Variants in PRKG1 observed in about 807,000 individuals in gnomAD.
The protein encoded by PRKG1 is cGMP-dependent protein kinase 1.
A neutral mutation model predicts 88.1 loss-of-function variants in PRKG1; 35 were observed. That is an observed-to-expected ratio of 0.40 (90% CI 0.30 to 0.53). The LOEUF (loss-of-function observed/expected upper bound fraction) is 0.53. Among genes scored for constraint, PRKG1 ranks in the 20% least tolerant of loss-of-function variants. The pLI, the probability that PRKG1 is intolerant of heterozygous loss-of-function variation, is 0.59. For missense variants in PRKG1, 540 were observed against 839.8 expected, an observed-to-expected ratio of 0.64 and a Z score of 4.41; for synonymous variants, 303 against 292.5, an observed-to-expected ratio of 1.04 and a Z score of -0.37.
At chr10:51,840,148 A>T (rs1840234283) in intron 4 of PRKG1, among the ~76,000 whole-genome samples, 1 of 152,212 alleles carries the variant, frequency 6.6e-6, no homozygotes, top group South Asian at 2.1e-4. Flanking sequence ...CTGTTGGGAA[A>T]CAGCTTGTTA....
chr10:52,148,864 C>A (rs369257310), intron 8 of PRKG1, among the ~76,000 whole-genome samples: 2 of 149,800 alleles, frequency 1.3e-5, no homozygotes, highest in African/African-American at 4.9e-5. Context: ...GAATTCCAGG[C>A]AGCAATAGGC....
At chr10:51,805,758 T>C (rs576490640) in intron 4 of PRKG1, among the ~76,000 whole-genome samples, 72 of 152,250 alleles carry the variant, frequency 4.7e-4, no homozygotes, top group Non-Finnish European at 8.1e-4. Flanking sequence ...TTTATTTTCT[T>C]ACTGCTTCAT....
At chr10:52,247,918 C>T (rs1349348573) in intron 9 of PRKG1, among the ~76,000 whole-genome samples, 7 of 152,002 alleles carry the variant, frequency 4.6e-5, no homozygotes, top group Admixed American at 2.0e-4. Context: ...CTGAGAGCCC[C>T]GAACAGAGAT....
At chr10:51,199,888 T>G (rs1837868440) in intron 2 of PRKG1, among the ~76,000 whole-genome samples, 1 of 152,208 alleles carries the variant, frequency 6.6e-6, no homozygotes, top group African/African-American at 2.4e-5. Context: ...CCCCAAATTC[T>G]GATGATAGTC....
chr10:51,170,364 A>G (rs1375685484), intron 2 of PRKG1, among the ~76,000 whole-genome samples: 2 of 151,888 alleles, frequency 1.3e-5, no homozygotes, highest in African/African-American at 2.4e-5. Context: ...CTGCAAGACA[A>G]TTGGGACCAA....
intron 3 of PRKG1, among the ~76,000 whole-genome samples, chr10:51,471,507 C>G (rs1056231146): frequency 6.6e-6 from 1 of 151,820 alleles, no homozygotes; most frequent in African/African-American, 2.4e-5. Context: ...TGTGATTTCA[C>G]TTTTACTACC....
At chr10:52,280,320 A>G (rs1841975360) in intron 12 of PRKG1, among the ~76,000 whole-genome samples, 2 of 152,182 alleles carry the variant, frequency 1.3e-5, no homozygotes, top group Admixed American at 1.3e-4. Flanking sequence ...ACTCTCATGA[A>G]CCATATCTGC....
intron 1 of PRKG1, among the ~76,000 whole-genome samples, chr10:51,048,073 G>A (rs546165945): frequency 3.1e-4 from 47 of 152,312 alleles, no homozygotes; most frequent in African/African-American, 1.1e-3. Flanking sequence ...GCCATCTGCT[G>A]TCTTTCAGAG....
At chr10:52,157,135 A>T (rs1215794535) in intron 8 of PRKG1, among the ~76,000 whole-genome samples, 6 of 150,872 alleles carry the variant, frequency 4.0e-5, no homozygotes, top group Non-Finnish European at 8.9e-5. Context: ...TAAAATGTTT[A>T]TACAAAATTC....
intron 3 of PRKG1, among the ~76,000 whole-genome samples, chr10:51,499,687 C>A (rs1171682316): frequency 6.6e-6 from 1 of 152,164 alleles, no homozygotes; most frequent in Non-Finnish European, 1.5e-5. Context: ...GGCCTGTAAT[C>A]CCAGCACTTT....
chr10:51,906,019 C>T (rs141748370), intron 4 of PRKG1, among the ~76,000 whole-genome samples: 19 of 152,140 alleles, frequency 1.2e-4, no homozygotes, highest in African/African-American at 3.6e-4. Context: ...TTAAAGAGAT[C>T]GTGATAGGAG....
chr10:51,576,380 G>A (rs1014431466), intron 3 of PRKG1, among the ~76,000 whole-genome samples: 1 of 151,692 alleles, frequency 6.6e-6, no homozygotes, highest in African/African-American at 2.4e-5. Context: ...ATGTATCATG[G>A]GCTTTCTCCT....
intron 2 of PRKG1, among the ~76,000 whole-genome samples, chr10:51,417,349 A>G (rs1838269899): frequency 6.6e-6 from 1 of 152,210 alleles, no homozygotes; most frequent in African/African-American, 2.4e-5. Flanking sequence ...GGAATCCAGT[A>G]TTCCTGCTAT....
At chr10:51,897,562 T>A (rs1170570140) in intron 4 of PRKG1, among the ~76,000 whole-genome samples, 1 of 152,220 alleles carries the variant, frequency 6.6e-6, no homozygotes, top group African/African-American at 2.4e-5. Flanking sequence ...TCAAACCCTT[T>A]ATTACTAACT....
chr10:51,743,038 A>C (rs941036231), intron 3 of PRKG1, among the ~76,000 whole-genome samples: 4 of 151,894 alleles, frequency 2.6e-5, no homozygotes, highest in Non-Finnish European at 1.5e-5. Context: ...CCCAGAACTT[A>C]AAGTAAAATT....
At position 51,939,819 on chromosome 10, in the gene PRKG1, A is replaced by G. The variant is rs985931539; in HGVS notation, c.762+32249A>G. Among the ~76,000 whole-genome samples the G allele has an allele frequency of 8.6e-5, 13 of 151,620 alleles. No individual in the cohort carries two copies. The South Asian group carries it at 2.5e-3, about 29-fold the overall frequency. On this transcript the variant is annotated intron_variant, in intron 5 of 17. Coordinates refer to ENST00000373980, the MANE Select transcript of PRKG1 (RefSeq NM_006258.4). The stretch of plus-strand genomic sequence containing the variant: ...GAAGAAAAATCTTTGATTTTCTCTC[A>G]AATCTACTAAAATGTGGTTTGCTAT...
intron 4 of PRKG1, among the ~76,000 whole-genome samples, chr10:51,838,566 T>A (rs566702228): frequency 1.2e-4 from 19 of 152,182 alleles, no homozygotes; most frequent in Admixed American, 9.2e-4. Flanking sequence ...TAGAAATAGT[T>A]TTACTTGGAA....
At chr10:51,618,925 C>T (rs963177193) in intron 3 of PRKG1, among the ~76,000 whole-genome samples, 2 of 143,738 alleles carry the variant, frequency 1.4e-5, no homozygotes, top group Middle Eastern at 3.5e-3. Flanking sequence ...TAAGCCACCA[C>T]ACCCAGCTAA....
chr10:51,953,813 A>G (rs1320195836), intron 5 of PRKG1, among the ~76,000 whole-genome samples: 1 of 151,990 alleles, frequency 6.6e-6, no homozygotes, highest in South Asian at 2.1e-4. Flanking sequence ...CAAATTCTGT[A>G]TCCTCTATAT....
Sources: gnomAD v4.1 joint callset for allele counts (sites outside exome capture counted in the v4.1 genomes callset) on GRCh38, gnomAD v4.1.1 for gene constraint, MANE v1.5 for transcripts, NCBI Gene and HGNC (gene_info 2026-07-23, HGNC 2026-07-21) for gene names.